The following PCDHGB6 variants were observed in gnomAD, a reference collection of about 807,000 sequenced individuals.
PCDHGB6 encodes protocadherin gamma-B6.
Under a neutral mutation model 59.1 loss-of-function variants are expected in PCDHGB6, and 51 were observed. The ratio of observed to expected loss-of-function variants is 0.86; its 90% confidence interval spans 0.69 to 1.09. The LOEUF is 1.09. PCDHGB6 is among the 50% of genes least tolerant of loss of function. The pLI is 0.00. For missense variants in PCDHGB6, 1,148 were observed against 1,205.1 expected (o/e 0.95, Z 0.70); for synonymous variants, 466 against 495.1 (o/e 0.94, Z 0.78).
chr5:141,490,142 C>T lies in PCDHGB6; in HGVS notation c.2419-4665C>T. On this transcript the variant is annotated intron_variant, in intron 1 of 3. Transcript: ENST00000520790. This position sits in a 1 kb window ranked among gnomAD's most constrained non-coding sequence, Gnocchi z 5.4. ...TTTGGCCTAGACCCTAGCAGTGGGG[C>T]AATCCATGTGTTGGGTCCCATAGAC... 2 of 1,614,220 alleles carry T rather than the reference C, an allele frequency of 1.2e-6. No individual in the cohort carries two copies. Among genetic ancestry groups the T allele is most frequent in the South Asian group, 1.1e-5 (1 of 91,088 alleles).
chr5:141,418,840 C>A, intron 1 of PCDHGB6: 1 of 1,614,006 alleles, frequency 6.2e-7, no homozygotes, highest in Non-Finnish European at 8.5e-7. Context: ...GAGGATCTCT[C>A]TCAACACGGT....
At chr5:141,412,385 AT>A (rs1277702119) in intron 1 of PCDHGB6, 2 of 152,236 alleles carry the variant, frequency 1.3e-5, no homozygotes, top group Admixed American at 1.3e-4. Flanking sequence ...AAATAGGTCC[AT>A]TTAACTTGTA....
chr5:141,496,478 G>A lies in PCDHGB6; in HGVS notation c.2477+1613G>A, dbSNP rs150992994. 7.2e-3 allele frequency among the ~76,000 whole-genome samples: 1,093 copies of A among 152,228 alleles called. 19 individuals are homozygous for A. The highest frequency in any genetic ancestry group is 0.025 in the African/African-American group (1,039 of 41,518). ...CCAAGAGTTATCTTTCCCCCATCCT[G>A]CAACCAACCAAACCCTTGTTGCCAC... is the stretch of plus-strand genomic sequence containing the variant. On this transcript the variant is annotated intron_variant, in intron 2 of 3. Transcript: ENST00000520790.
At chr5:141,413,697 T>G in intron 1 of PCDHGB6, 4 of 1,613,632 alleles carry the variant, frequency 2.5e-6, no homozygotes, top group Non-Finnish European at 3.4e-6. Flanking sequence ...TGCAGAGCTA[T>G]CAGCTCAGCC....
chr5:141,495,977 T>C (rs2099765025), intron 2 of PCDHGB6, among the ~76,000 whole-genome samples: 1 of 152,174 alleles, frequency 6.6e-6, no homozygotes, highest in Admixed American at 6.5e-5. Flanking sequence ...TCTGTTACTC[T>C]TTCTTTATCT....
intron 1 of PCDHGB6, chr5:141,413,279 TCTC>T (rs759727755): frequency 2.4e-5 from 39 of 1,613,826 alleles, no homozygotes; most frequent in Non-Finnish European, 3.1e-5. Flanking sequence ...GCCCGGCAGA[TCTC>T]CTACTCAATT....
intron 1 of PCDHGB6, among the ~76,000 whole-genome samples, chr5:141,425,386 G>C (rs2096871887): frequency 6.6e-6 from 1 of 152,224 alleles, no homozygotes; most frequent in South Asian, 2.1e-4. Context: ...TTCGGAGGTA[G>C]TGATAAAGTT....
At chr5:141,504,959 T>C (rs1297800554) in intron 2 of PCDHGB6, among the ~76,000 whole-genome samples, 2 of 152,038 alleles carry the variant, frequency 1.3e-5, no homozygotes, top group Non-Finnish European at 2.9e-5. Flanking sequence ...GTTCAATGCA[T>C]TGGACCAGCC....
Position 141,410,397 on chromosome 5 carries a change from G to T in PCDHGB6, c.2195G>T (p.Cys732Phe), listed in dbSNP as rs1338071222. Reference sequence around the variant, plus strand: ...TGGGACTGCTTCCATCCTGGTCTCTGTGTCAAGTCTGGACCTGTAGTTCCC... The same window carrying T: ...TGGGACTGCTTCCATCCTGGTCTCTTTGTCAAGTCTGGACCTGTAGTTCCC... ...ATWDCFHPGL[C>F]VKSGPVVPPN... Residue 732 changes from cysteine to phenylalanine, a missense_variant, in exon 1 of 4, where the codon TGT (cysteine) becomes TTT (phenylalanine). This residue lies in a region of PCDHGB6 where 283 missense variants were observed against 318.6 expected (regional missense o/e 0.89). Coordinates refer to ENST00000520790, the MANE Select transcript of PCDHGB6 (RefSeq NM_018926.3). The T allele has an allele frequency of 3.7e-6, 6 of 1,613,930 alleles. No homozygotes were observed. The African/African-American group carries it at 8.0e-5, about 22-fold the overall frequency.
At chr5:141,419,316 G>T in intron 1 of PCDHGB6, 2 of 1,613,994 alleles carry the variant, frequency 1.2e-6, no homozygotes, top group Non-Finnish European at 1.7e-6. Context: ...CTCAACGGCC[G>T]TGTCTCCTAC....
intron 1 of PCDHGB6, among the ~76,000 whole-genome samples, chr5:141,479,107 G>A (rs1212999480): frequency 6.6e-6 from 1 of 152,090 alleles, no homozygotes; most frequent in Non-Finnish European, 1.5e-5. Flanking sequence ...TTTATTTCAA[G>A]CATTCTACTG....
At chr5:141,449,566 G>A (rs1235137244) in intron 1 of PCDHGB6, among the ~76,000 whole-genome samples, 4 of 147,126 alleles carry the variant, frequency 2.7e-5, no homozygotes, top group East Asian at 4.0e-4. Context: ...TCCAGCCTGG[G>A]CGACAGAGCA....
rs1005709757 is a variant in PCDHGB6 at position 141,495,051 on chromosome 5, A to G, written c.2477+186A>G. Among the ~76,000 whole-genome samples, 3 of 152,042 alleles carry G rather than the reference A, an allele frequency of 2.0e-5. No homozygotes were observed. In the East Asian group the frequency reaches 5.8e-4, roughly 29 times the overall value. On this transcript the variant is annotated intron_variant, in intron 2 of 3. Transcript: ENST00000520790. ...CCGGAAGGAAGAGGCGACTGCCCTG[A>G]CTGTTCAGGAAGCTCAATTCACATG... is the stretch of plus-strand genomic sequence containing the variant.
At chr5:141,496,639 C>T (rs752903356) in intron 2 of PCDHGB6, among the ~76,000 whole-genome samples, 1 of 152,222 alleles carries the variant, frequency 6.6e-6, no homozygotes, top group Non-Finnish European at 1.5e-5. Context: ...TTGGGCTGCC[C>T]TTGCCCTTCC....
intron 1 of PCDHGB6, chr5:141,422,697 C>T (rs1406213402): frequency 3.7e-6 from 6 of 1,603,284 alleles, no homozygotes; most frequent in South Asian, 1.1e-5. Flanking sequence ...TGGTCACTTA[C>T]TCTCTGACGG....
chr5:141,455,856 TTTTATTA>T (rs1315325745), intron 1 of PCDHGB6, among the ~76,000 whole-genome samples: 1 of 146,240 alleles, frequency 6.8e-6, no homozygotes, highest in East Asian at 2.0e-4. Flanking sequence ...AAATAATTTC[TTTTATTA>T]TTTATTTATT....
Position 141,486,230 on chromosome 5 carries a change from A to C in PCDHGB6, c.2419-8577A>C. On this transcript the variant is annotated intron_variant, in intron 1 of 3. Coordinates refer to ENST00000520790, the MANE Select transcript of PCDHGB6 (RefSeq NM_018926.3). The surrounding 1 kb of genome is among the most constrained non-coding windows in gnomAD (Gnocchi z 5.0). ...TGACAATGCCCCTTACATCACAGTGACCTCAGAGCTTGGAACCCTCCCCGA... is the reference window on the plus strand; with the variant it reads ...TGACAATGCCCCTTACATCACAGTGCCCTCAGAGCTTGGAACCCTCCCCGA... The C allele has an allele frequency of 6.2e-7, 1 of 1,614,016 alleles. No individual in the cohort carries two copies. Among genetic ancestry groups the C allele is most frequent in the Non-Finnish European group, 8.5e-7 (1 of 1,179,964 alleles).
At chr5:141,424,784 C>T (rs1351935601) in intron 1 of PCDHGB6, 2 of 152,062 alleles carry the variant, frequency 1.3e-5, no homozygotes, top group Non-Finnish European at 2.9e-5. Context: ...ACATTCAGTT[C>T]TTTTATTCAG....
chr5:141,476,318 G>T lies in PCDHGB6; in HGVS notation c.2419-18489G>T. 3 of 1,614,202 alleles carry T rather than the reference G, an allele frequency of 1.9e-6. No homozygotes were observed. The highest frequency in any genetic ancestry group is 2.5e-6 in the Non-Finnish European group (3 of 1,180,052). The stretch of plus-strand genomic sequence containing the variant: ...TAGCCTCTCAGCCCGCAGGTTCCGG[G>T]TGGTGTCTGGAGCTAGCCGAAGATT... On this transcript the variant is annotated intron_variant, in intron 1 of 3. Transcript: ENST00000520790. This position sits in a 1 kb window ranked among gnomAD's most constrained non-coding sequence, Gnocchi z 7.6.
Sources: gnomAD v4.1 joint callset for allele counts (sites outside exome capture counted in the v4.1 genomes callset) on GRCh38, gnomAD v4.1.1 for gene constraint, gnomAD v4.1.1 regional missense constraint, Gnocchi (gnomAD v3.1) non-coding constraint, MANE v1.5 for transcripts, NCBI Gene and HGNC (gene_info 2026-07-23, HGNC 2026-07-21) for gene names.